Variants in RASSF5 observed in about 807,000 individuals in gnomAD.
RASSF5 encodes ras association domain-containing protein 5.
In RASSF5, 25 loss-of-function variants were observed where a neutral mutation model predicts 40.5. The observed-to-expected ratio is 0.62, with a 90% CI of 0.45 to 0.86. The LOEUF (loss-of-function observed/expected upper bound fraction) is 0.86. Ranked by LOEUF, RASSF5 falls within the 40% of genes least tolerant of loss-of-function variation. The pLI is 0.00. For synonymous variants in RASSF5, 246 were observed against 252.4 expected (o/e 0.97, Z 0.24); for missense variants, 521 against 572.8 (o/e 0.91, Z 0.92).
chr1:206,578,721 C>T (rs1186736960), intron 2 of RASSF5, among the ~76,000 whole-genome samples: 1 of 152,178 alleles, frequency 6.6e-6, no homozygotes, highest in Non-Finnish European at 1.5e-5. Flanking sequence ...CCACCCTCAT[C>T]CTGGGGACCC....
At chr1:206,534,042 G>A (rs929371099) in intron 1 of RASSF5, among the ~76,000 whole-genome samples, 2 of 152,290 alleles carry the variant, frequency 1.3e-5, no homozygotes, top group East Asian at 3.9e-4. Context: ...AGCGGGCCTG[G>A]CCCAGCCAAC....
intron 2 of RASSF5, among the ~76,000 whole-genome samples, chr1:206,539,843 A>G (rs1667501453): frequency 1.3e-5 from 2 of 152,174 alleles, no homozygotes; most frequent in Admixed American, 1.3e-4. Flanking sequence ...ACATTTCCTA[A>G]AAATCTTATT....
intron 2 of RASSF5, among the ~76,000 whole-genome samples, chr1:206,569,331 C>T (rs1553403863): frequency 6.6e-6 from 1 of 152,176 alleles, no homozygotes; most frequent in East Asian, 1.9e-4. Flanking sequence ...AGTGGCAACA[C>T]AGGTTTTGGG....
chr1:206,584,364 C>A lies in RASSF5; in HGVS notation c.691-23C>A. Reference sequence around the variant, plus strand: ...ATGCAAGGCGGACGGCCCTGACCCCCTGTGACATGCCCCCGCTGGCAGAGT... The same window carrying A: ...ATGCAAGGCGGACGGCCCTGACCCCATGTGACATGCCCCCGCTGGCAGAGT... On this transcript the variant is annotated intron_variant, in intron 3 of 5. Coordinates refer to ENST00000579436, the MANE Select transcript of RASSF5 (RefSeq NM_182663.4). This position sits in a 1 kb window ranked among gnomAD's most constrained non-coding sequence, Gnocchi z 4.9. The A allele has an allele frequency of 6.3e-7, 1 of 1,594,762 alleles. No individual in the cohort carries two copies. The highest frequency in any genetic ancestry group is 1.1e-5 in the South Asian group (1 of 87,154).
At chr1:206,510,225 T>C (rs1666580931) in intron 1 of RASSF5, among the ~76,000 whole-genome samples, 1 of 152,138 alleles carries the variant, frequency 6.6e-6, no homozygotes, top group Non-Finnish European at 1.5e-5. Flanking sequence ...TTTATCTTCA[T>C]TTTGAAAAGC....
intron 1 of RASSF5, among the ~76,000 whole-genome samples, chr1:206,524,638 A>AAG (rs1553396872): frequency 3.6e-4 from 46 of 127,836 alleles, no homozygotes; most frequent in Non-Finnish European, 7.1e-4. Flanking sequence ...TAATATATAA[A>AAG]ATATATATTA....
intron 1 of RASSF5, among the ~76,000 whole-genome samples, chr1:206,534,401 A>G (rs1316186581): frequency 1.3e-5 from 2 of 152,214 alleles, no homozygotes; most frequent in Admixed American, 6.5e-5. Context: ...GGCAATGTCA[A>G]TATCAAGAAA....
intron 1 of RASSF5, among the ~76,000 whole-genome samples, chr1:206,532,434 T>C (rs1426035123): frequency 6.6e-6 from 1 of 152,154 alleles, no homozygotes; most frequent in East Asian, 1.9e-4. Context: ...CAGAGCTAAT[T>C]GAGCGGGGCC....
In RASSF5 at chr1:206,535,388, C is replaced by T. The variant is rs913224962; in HGVS notation, c.458-2784C>T. ...TGGAATGTGGCTCTGTCTTTGGAAT[C>T]TCATGGGTCTCCCCAATCCCTGAAA... On this transcript the variant is annotated intron_variant, in intron 1 of 5. Coordinates refer to ENST00000579436, the MANE Select transcript of RASSF5 (RefSeq NM_182663.4). This position sits in a 1 kb window ranked among gnomAD's most constrained non-coding sequence, Gnocchi z 5.0. 3.3e-5 allele frequency among the ~76,000 whole-genome samples: 5 copies of T among 152,128 alleles called. No homozygotes were observed. The highest frequency in any genetic ancestry group is 3.3e-4 in the Admixed American group (5 of 15,276).
intron 2 of RASSF5, among the ~76,000 whole-genome samples, chr1:206,573,236 G>A (rs975293908): frequency 2.0e-5 from 3 of 152,122 alleles, no homozygotes; most frequent in East Asian, 1.9e-4. Context: ...CGAGGTGGGC[G>A]GACTGCTTGA....
chr1:206,565,781 C>T lies in RASSF5; in HGVS notation c.580-17488C>T, dbSNP rs533027752. Among the ~76,000 whole-genome samples, 285 of 152,278 alleles carry T rather than the reference C, an allele frequency of 1.9e-3. 1 individual carries two copies. Among genetic ancestry groups the T allele is most frequent in the African/African-American group, 6.6e-3 (274 of 41,558 alleles). On this transcript the variant is annotated intron_variant, in intron 2 of 5. Coordinates refer to ENST00000579436, the MANE Select transcript of RASSF5 (RefSeq NM_182663.4). ...AAAGGGTTTGAACAGGAATTGCCCA[C>T]GAGGGGCTGGGAACAGGCTGCCAGC...
chr1:206,581,883 G>T (rs75662155), intron 2 of RASSF5, among the ~76,000 whole-genome samples: 12 of 152,166 alleles, frequency 7.9e-5, no homozygotes, highest in East Asian at 7.8e-4. Context: ...TGTCACGGAG[G>T]GGGGGCCCTG....
intron 2 of RASSF5, among the ~76,000 whole-genome samples, chr1:206,550,629 C>T (rs782417641): frequency 1.3e-5 from 2 of 152,206 alleles, no homozygotes; most frequent in African/African-American, 2.4e-5. Flanking sequence ...TTGTAAACTC[C>T]ATGGAGCATG....
At chr1:206,574,458 T>A (rs1421383196) in intron 2 of RASSF5, among the ~76,000 whole-genome samples, 2 of 152,196 alleles carry the variant, frequency 1.3e-5, no homozygotes, top group Non-Finnish European at 2.9e-5. Context: ...ACATTGACCA[T>A]CTGCTCTACG....
chr1:206,510,377 G>A (rs782578784), intron 1 of RASSF5, among the ~76,000 whole-genome samples: 1 of 151,960 alleles, frequency 6.6e-6, no homozygotes, highest in Non-Finnish European at 1.5e-5. Flanking sequence ...CTGCTTCTTT[G>A]TTTAAAAAAA....
intron 1 of RASSF5, among the ~76,000 whole-genome samples, chr1:206,533,539 T>A (rs1667300294): frequency 6.6e-6 from 1 of 152,068 alleles, no homozygotes; most frequent in Non-Finnish European, 1.5e-5. Context: ...GAGGATCACT[T>A]GAGGCGGGGA....
chr1:206,525,710 C>G (rs183944991), intron 1 of RASSF5, among the ~76,000 whole-genome samples: 1 of 152,320 alleles, frequency 6.6e-6, no homozygotes. Flanking sequence ...CCTCAGCCTC[C>G]CACAGTGCTG....
intron 1 of RASSF5, chr1:206,529,315 G>A (rs1429137999): frequency 1.4e-5 from 11 of 795,888 alleles, no homozygotes; most frequent in East Asian, 1.3e-4. Flanking sequence ...CCTGTCCTTC[G>A]AGCAGGAGTT....
At chr1:206,586,763 G>A (rs1423719417) in intron 5 of RASSF5, 63 bp from the exon 6 acceptor site, 23 of 1,304,148 alleles carry the variant, frequency 1.8e-5, no homozygotes, top group South Asian at 6.4e-5. Flanking sequence ...CTCTCAGGTC[G>A]TGTCAACTTC....
Sources: gnomAD v4.1 joint callset for allele counts (sites outside exome capture counted in the v4.1 genomes callset) on GRCh38, gnomAD v4.1.1 for gene constraint, Gnocchi (gnomAD v3.1) non-coding constraint, MANE v1.5 for transcripts, NCBI Gene and HGNC (gene_info 2026-07-23, HGNC 2026-07-21) for gene names.